Variants in KCNIP4 observed in about 807,000 individuals in gnomAD.
KCNIP4 encodes potassium voltage-gated channel interacting protein 4, also known as Kv channel-interacting protein 4.
In KCNIP4, 12 loss-of-function variants were observed where a neutral mutation model predicts 34.0. The ratio of observed to expected loss-of-function variants is 0.35; its 90% CI spans 0.23 to 0.57. The LOEUF (loss-of-function observed/expected upper bound fraction) is 0.57. Ranked by LOEUF, KCNIP4 falls within the 20% of genes least tolerant of loss-of-function variation. The pLI is 0.83. For synonymous variants in KCNIP4, 124 were observed against 102.2 expected (o/e 1.21, Z -1.29); for missense variants, 238 against 311.7 (o/e 0.76, Z 1.78).
intron 1 of KCNIP4, among the ~76,000 whole-genome samples, chr4:21,733,574 A>T (rs1223665112): frequency 6.6e-6 from 1 of 152,194 alleles, no homozygotes; most frequent in Non-Finnish European, 1.5e-5. Flanking sequence ...GGGAAATAGC[A>T]GTATAATTTT....
At chr4:20,958,262 C>G (rs567176724) in intron 1 of KCNIP4, among the ~76,000 whole-genome samples, 4 of 152,170 alleles carry the variant, frequency 2.6e-5, no homozygotes. Context: ...TGAAGTTCCT[C>G]TTTCAGAGAA....
At chr4:20,805,633 T>C (rs1435670516) in intron 3 of KCNIP4, among the ~76,000 whole-genome samples, 1 of 152,170 alleles carries the variant, frequency 6.6e-6, no homozygotes, top group Non-Finnish European at 1.5e-5. Context: ...AATTTTTTCC[T>C]TCAGTTTCTT....
intron 1 of KCNIP4, among the ~76,000 whole-genome samples, chr4:21,829,411 T>C (rs1722849957): frequency 1.3e-5 from 2 of 152,042 alleles, no homozygotes; most frequent in Non-Finnish European, 2.9e-5. Context: ...TAATCATAGA[T>C]TTCATTAGTA....
intron 4 of KCNIP4, among the ~76,000 whole-genome samples, chr4:20,753,657 G>A (rs1026666716): frequency 6.6e-6 from 1 of 152,146 alleles, no homozygotes; most frequent in Non-Finnish European, 1.5e-5. Context: ...TACAATTCAT[G>A]ACATCGTTAC....
At chr4:20,921,557 T>G (rs1577370314) in intron 1 of KCNIP4, among the ~76,000 whole-genome samples, 1 of 152,198 alleles carries the variant, frequency 6.6e-6, no homozygotes, top group Non-Finnish European at 1.5e-5. Flanking sequence ...ATCAGTGAAA[T>G]AAAGCTATAG....
At chr4:20,996,381 G>A (rs1367786242) in intron 1 of KCNIP4, among the ~76,000 whole-genome samples, 4 of 152,048 alleles carry the variant, frequency 2.6e-5, no homozygotes, top group East Asian at 1.9e-4. Flanking sequence ...CAAACTTCTC[G>A]CTGTGTTTTG....
chr4:21,201,877 C>T (rs965317147), intron 1 of KCNIP4, among the ~76,000 whole-genome samples: 2 of 152,166 alleles, frequency 1.3e-5, no homozygotes, highest in Admixed American at 6.5e-5. Context: ...TATAAAATAC[C>T]TAATGTGTGT....
chr4:21,325,579 T>C (rs1397831437), intron 1 of KCNIP4, among the ~76,000 whole-genome samples: 3 of 150,580 alleles, frequency 2.0e-5, no homozygotes, highest in Non-Finnish European at 2.9e-5. Flanking sequence ...TTTTTACTGT[T>C]TTCTTTGTTT....
chr4:21,892,352 G>C (rs756544543), intron 1 of KCNIP4, among the ~76,000 whole-genome samples: 1 of 151,646 alleles, frequency 6.6e-6, no homozygotes, highest in Non-Finnish European at 1.5e-5. Context: ...AGGCTATGCT[G>C]CTAGAAGTTG....
chr4:20,770,500 T>C (rs1755774155), intron 3 of KCNIP4, among the ~76,000 whole-genome samples: 2 of 151,154 alleles, frequency 1.3e-5, no homozygotes, highest in Admixed American at 1.3e-4. Context: ...GAGTAAAGAA[T>C]TCTACTTAAA....
At chr4:20,862,839 G>A (rs1369431260) in intron 2 of KCNIP4, among the ~76,000 whole-genome samples, 1 of 152,108 alleles carries the variant, frequency 6.6e-6, no homozygotes, top group Non-Finnish European at 1.5e-5. Context: ...GGAGCTGGAG[G>A]CCATTATCCT....
At chr4:21,725,723 A>T (rs148617065) in intron 1 of KCNIP4, among the ~76,000 whole-genome samples, 98 of 152,258 alleles carry the variant, frequency 6.4e-4, no homozygotes, top group East Asian at 4.6e-3. Flanking sequence ...ATTAGTGTTT[A>T]TTTCCCCTTA....
rs189235151 is a variant in KCNIP4 at position 21,047,990 on chromosome 4, A to T, written c.62-165281T>A. Among the ~76,000 whole-genome samples, 1,199 of 152,276 alleles carry T rather than the reference A, an allele frequency of 7.9e-3. 7 individuals carry two copies. Among genetic ancestry groups the T allele is most frequent in the South Asian group, 0.019 (90 of 4,814 alleles). On this transcript the variant is annotated intron_variant, in intron 1 of 8. Coordinates refer to ENST00000382152, the MANE Select transcript of KCNIP4 (RefSeq NM_025221.6). ...GGGGCCTAGTTATATGGTGGGAAAA[A>T]CAACTGGGCTTGAAAGTTTTTAGTA...
chr4:21,222,041 T>C (rs1260769114), intron 1 of KCNIP4, among the ~76,000 whole-genome samples: 1 of 152,198 alleles, frequency 6.6e-6, no homozygotes, highest in Non-Finnish European at 1.5e-5. Flanking sequence ...TCTTTCTTTT[T>C]TCTAGAGTCA....
intron 1 of KCNIP4, among the ~76,000 whole-genome samples, chr4:21,393,578 G>A (rs1238904474): frequency 1.3e-5 from 2 of 152,104 alleles, no homozygotes; most frequent in African/African-American, 4.8e-5. Context: ...ATATCCATTA[G>A]CACCTTGGTA....
rs1377234856 is a variant in KCNIP4 at position 21,277,483 on chromosome 4, A to G, written c.62-394774T>C. Among the ~76,000 whole-genome samples the G allele has an allele frequency of 3.9e-5, 6 of 152,212 alleles. No individual in the cohort carries two copies. The East Asian group carries it at 7.7e-4, about 20-fold the overall frequency. ...ATAAATGGAACAAGAATAAGTAGCC[A>G]TTGTATAATAAAAGAGGAAAACACA... On this transcript the variant is annotated intron_variant, in intron 1 of 8. Transcript: ENST00000382152.
At chr4:21,333,314 T>C (rs1277808106) in intron 1 of KCNIP4, among the ~76,000 whole-genome samples, 1 of 151,828 alleles carries the variant, frequency 6.6e-6, no homozygotes, top group Non-Finnish European at 1.5e-5. Context: ...CAGGGACCAG[T>C]ATGGAGTAAA....
At chr4:21,910,129 A>G (rs1728222313) in intron 1 of KCNIP4, among the ~76,000 whole-genome samples, 1 of 152,102 alleles carries the variant, frequency 6.6e-6, no homozygotes, top group Non-Finnish European at 1.5e-5. Context: ...ACTCAGAGGA[A>G]CTACGGTGTC....
chr4:21,062,933 C>A (rs1448485235), intron 1 of KCNIP4, among the ~76,000 whole-genome samples: 9 of 152,170 alleles, frequency 5.9e-5, no homozygotes. Flanking sequence ...CATCACAAAA[C>A]ATTCTTACAG....
Sources: gnomAD v4.1 joint callset for allele counts (sites outside exome capture counted in the v4.1 genomes callset) on GRCh38, gnomAD v4.1.1 for gene constraint, MANE v1.5 for transcripts, NCBI Gene and HGNC (gene_info 2026-07-23, HGNC 2026-07-21) for gene names.